RTF2: variants seen among roughly 807,000 people sequenced by gnomAD.
The protein encoded by RTF2 is UPF0549 protein C20orf43.
RTF2 carries 18 observed loss-of-function variants against 38.0 expected under a neutral mutation model. The observed-to-expected ratio is 0.47, with a 90% CI of 0.33 to 0.70. The LOEUF (loss-of-function observed/expected upper bound fraction) is 0.70. Among genes scored for constraint, RTF2 ranks in the 30% least tolerant of loss-of-function variants. RTF2 has a pLI of 0.02. For synonymous variants in RTF2, 126 were observed against 137.1 expected (o/e 0.92, Z 0.57); for missense variants, 311 against 379.6 (o/e 0.82, Z 1.50).
At chr20:56,484,226 T>A (rs1568695650) in intron 5 of RTF2, 37 bp downstream of exon 5, 1 of 1,506,600 alleles carries the variant, frequency 6.6e-7, no homozygotes, top group African/African-American at 1.4e-5. Flanking sequence ...TCCTTCTCTG[T>A]AGCTGAGGAA....
chr20:56,519,084 A>G lies in RTF2; in HGVS notation c.*819A>G, dbSNP rs1420109904. The G allele has an allele frequency of 6.6e-6, 1 of 152,216 alleles. No individual in the cohort carries two copies. The highest frequency in any genetic ancestry group is 1.5e-5 in the Non-Finnish European group (1 of 68,038). The allele number at this position is 152,216 out of a possible 1,614,324, so 9.4% of individuals were successfully genotyped here. A position where few individuals can be genotyped will look rare whatever the true frequency, so the allele number is the denominator to read the frequency against. Reference sequence around the variant, plus strand: ...ATAAGTTGTGTTGACGTCAATAGCTAGTGAAACTTCTCATGAGACTCCTAA... The same window carrying G: ...ATAAGTTGTGTTGACGTCAATAGCTGGTGAAACTTCTCATGAGACTCCTAA... On this transcript the variant is annotated 3_prime_UTR_variant, in exon 9 of 9. Coordinates refer to ENST00000357348, the MANE Select transcript of RTF2 (RefSeq NM_016407.5).
intron 1 of RTF2, chr20:56,471,632 T>C (rs1981975712): frequency 6.6e-6 from 1 of 151,996 alleles, no homozygotes; most frequent in Non-Finnish European, 1.5e-5. Context: ...TGTAAAAACT[T>C]AAAAGAAGAA....
chr20:56,510,031 A>G (rs985120665), intron 5 of RTF2, among the ~76,000 whole-genome samples: 5 of 152,210 alleles, frequency 3.3e-5, no homozygotes, highest in African/African-American at 1.2e-4. Context: ...ATTTATAGAA[A>G]TGTCCAGAAG....
intron 1 of RTF2, 109 bp downstream of exon 1, chr20:56,468,875 G>C: frequency 1.1e-6 from 1 of 878,226 alleles, no homozygotes; most frequent in Admixed American, 2.4e-5. Flanking sequence ...AGACCTGGCT[G>C]CGGTCTTTTA....
chr20:56,502,929 A>G (rs368520086), intron 5 of RTF2, among the ~76,000 whole-genome samples: 1 of 152,236 alleles, frequency 6.6e-6, no homozygotes, highest in South Asian at 2.1e-4. Context: ...CTGAGTGTCC[A>G]TTTTCTTGAC....
At chr20:56,483,133 C>T (rs1179531077) in intron 4 of RTF2, among the ~76,000 whole-genome samples, 1 of 152,178 alleles carries the variant, frequency 6.6e-6, no homozygotes, top group Non-Finnish European at 1.5e-5. Flanking sequence ...TCCTTCCTTT[C>T]CTTTTTACCT....
At chr20:56,484,017 A>T in intron 4 of RTF2, 94 bp from the exon 5 acceptor site, 1 of 1,013,390 alleles carries the variant, frequency 9.9e-7, no homozygotes, top group Non-Finnish European at 1.5e-6. Context: ...TAACTATTTT[A>T]ATCTTTGTGG....
Position 56,517,263 on chromosome 20 carries a change from T to TCCA in RTF2, c.742+63_742+65dup. ...AAGGCTGGAAACCCAGGTGGCCGAGTCCAGGTTTCACTGGAGTGGGTGGAT... is the reference window on the plus strand; with the variant it reads ...AAGGCTGGAAACCCAGGTGGCCGAGTCCACCAGGTTTCACTGGAGTGGGTGGAT... On this transcript the variant is annotated intron_variant, in intron 8 of 8. Coordinates refer to ENST00000357348, the MANE Select transcript of RTF2 (RefSeq NM_016407.5). 3.6e-6 allele frequency: 5 copies of TCCA among 1,373,484 alleles called. No individual in the cohort carries two copies. The South Asian group carries it at 4.8e-5, about 13-fold the overall frequency. 85.1% of individuals were successfully genotyped at this position (1,373,484 alleles called of 1,614,324 possible). A position where few individuals can be genotyped will look rare whatever the true frequency, so the allele number is the denominator to read the frequency against.
chr20:56,496,583 A>T, intron 5 of RTF2: 2 of 1,446,090 alleles, frequency 1.4e-6, no homozygotes, highest in South Asian at 1.5e-5. Flanking sequence ...CAATCAATCT[A>T]TCTGCTGCTG....
intron 5 of RTF2, among the ~76,000 whole-genome samples, chr20:56,489,221 ATTTT>A (rs11481363): frequency 7.3e-6 from 1 of 136,750 alleles, no homozygotes; most frequent in Non-Finnish European, 1.6e-5. Flanking sequence ...ATGCCTGGTT[ATTTT>A]TTTTTTTTTT....
At chr20:56,496,684 G>A (rs1030837036) in intron 5 of RTF2, 27 of 1,547,410 alleles carry the variant, frequency 1.7e-5, no homozygotes, top group East Asian at 4.9e-5. Flanking sequence ...TCTGGGCTGC[G>A]GATGTCTTTG....
At chr20:56,500,498 A>G (rs1236704668) in intron 5 of RTF2, among the ~76,000 whole-genome samples, 1 of 152,196 alleles carries the variant, frequency 6.6e-6, no homozygotes, top group Non-Finnish European at 1.5e-5. Context: ...TCAGTAGTTT[A>G]TAATAATTAA....
At chr20:56,502,806 A>G (rs552399494) in intron 5 of RTF2, among the ~76,000 whole-genome samples, 1 of 152,322 alleles carries the variant, frequency 6.6e-6, no homozygotes, top group African/African-American at 2.4e-5. Flanking sequence ...TATTGCATTT[A>G]CCTTATTAGG....
At chr20:56,486,564 G>A (rs1333600865) in intron 5 of RTF2, among the ~76,000 whole-genome samples, 1 of 152,134 alleles carries the variant, frequency 6.6e-6, no homozygotes, top group Non-Finnish European at 1.5e-5. Flanking sequence ...CAGGAGAATT[G>A]CTTGAACCTG....
chr20:56,496,861 C>A, intron 5 of RTF2: 1 of 1,551,680 alleles, frequency 6.4e-7, no homozygotes, highest in Non-Finnish European at 8.7e-7. Context: ...GGAACGAATT[C>A]GAGATGACTT....
At chr20:56,477,168 A>G (rs1457736939) in intron 4 of RTF2, 44 bp downstream of exon 4, 1 of 1,603,130 alleles carries the variant, frequency 6.2e-7, no homozygotes, top group South Asian at 1.1e-5. Context: ...GGCTGGAGGA[A>G]TACTGCCGGT....
intron 4 of RTF2, among the ~76,000 whole-genome samples, chr20:56,482,767 T>C (rs756029727): frequency 6.6e-6 from 1 of 152,230 alleles, no homozygotes; most frequent in Non-Finnish European, 1.5e-5. Flanking sequence ...AAATTTGTCC[T>C]TTGGCATTTT....
At chr20:56,475,262 A>G (rs2146316804) in intron 3 of RTF2, among the ~76,000 whole-genome samples, 1 of 152,272 alleles carries the variant, frequency 6.6e-6, no homozygotes, top group Non-Finnish European at 1.5e-5. Flanking sequence ...TCAGTGGGGA[A>G]AAAAACTTGG....
At chr20:56,473,502 T>A in intron 2 of RTF2, 107 bp downstream of exon 2, 1 of 747,244 alleles carries the variant, frequency 1.3e-6, no homozygotes, top group Non-Finnish European at 2.3e-6. Context: ...CCAAGCAAAT[T>A]TGTGAGGCAT....
Sources: allele counts gnomAD v4.1 joint callset (sites outside exome capture counted in the v4.1 genomes callset), GRCh38; gene constraint gnomAD v4.1.1; transcripts MANE v1.5; gene names NCBI Gene and HGNC (gene_info 2026-07-23, HGNC 2026-07-21).